The following DSCAM variants were observed in gnomAD, a reference collection of about 807,000 sequenced individuals.
The protein encoded by DSCAM is DS cell adhesion molecule.
In DSCAM, 47 loss-of-function variants were observed where a neutral mutation model predicts 217.7. The ratio of observed to expected loss-of-function variants is 0.22; its 90% CI spans 0.17 to 0.28. DSCAM has a LOEUF of 0.28. DSCAM is among the 10% of genes least tolerant of loss of function. The pLI, the probability that DSCAM is intolerant of heterozygous loss-of-function variation, is 1.00. For synonymous variants in DSCAM, 1,056 were observed against 1,015.3 expected (o/e 1.04, Z -0.76); for missense variants, 2,080 against 2,618.3 (o/e 0.79, Z 4.49).
Position 40,144,372 on chromosome 21 carries a change from C to T in DSCAM, c.3259+119G>A. On this transcript the variant is annotated intron_variant, in intron 17 of 32. Coordinates refer to ENST00000400454, the MANE Select transcript of DSCAM (RefSeq NM_001389.5). The surrounding 1 kb of genome is among the most constrained non-coding windows in gnomAD (Gnocchi z 4.8). ...AGGCTTTTCCACCCGAGACCCCAGG[C>T]CCTGCAGGTCACTGCAAAGTCGTGG... The T allele has an allele frequency of 6.8e-7, 1 of 1,474,396 alleles. No individual in the cohort carries two copies. The highest frequency in any genetic ancestry group is 9.2e-7 in the Non-Finnish European group (1 of 1,090,212). 91.3% of individuals were successfully genotyped at this position (1,474,396 alleles called of 1,614,324 possible).
intron 11 of DSCAM, among the ~76,000 whole-genome samples, chr21:40,203,508 T>A (rs2091092844): frequency 6.6e-6 from 1 of 152,216 alleles, no homozygotes; most frequent in South Asian, 2.1e-4. Flanking sequence ...GTACCCTGCG[T>A]GCATATTGCA....
At chr21:40,350,661 G>A (rs2074619702) in intron 5 of DSCAM, among the ~76,000 whole-genome samples, 1 of 151,930 alleles carries the variant, frequency 6.6e-6, no homozygotes, top group Non-Finnish European at 1.5e-5. Flanking sequence ...GGAAGAGCAG[G>A]AAATCCACAG....
chr21:40,696,242 C>T (rs539317429), intron 2 of DSCAM, among the ~76,000 whole-genome samples: 2 of 152,294 alleles, frequency 1.3e-5, no homozygotes, highest in East Asian at 1.9e-4. Context: ...AACCCCAGCT[C>T]GCTCAGAGAG....
At chr21:40,699,566 C>T (rs1248685396) in intron 2 of DSCAM, among the ~76,000 whole-genome samples, 2 of 152,146 alleles carry the variant, frequency 1.3e-5, no homozygotes, top group South Asian at 2.1e-4. Context: ...GCTACTTCAG[C>T]GAACAAATGA....
At chr21:40,373,246 A>T (rs1331640189) in intron 3 of DSCAM, among the ~76,000 whole-genome samples, 1 of 152,242 alleles carries the variant, frequency 6.6e-6, no homozygotes, top group Non-Finnish European at 1.5e-5. Context: ...GAAAGCAGGC[A>T]TGCATGATCT....
intron 2 of DSCAM, among the ~76,000 whole-genome samples, chr21:40,696,286 T>A (rs2090594281): frequency 6.6e-6 from 1 of 152,058 alleles, no homozygotes; most frequent in South Asian, 2.1e-4. Context: ...ACACTCCCCA[T>A]CCCTTCTCCT....
At chr21:40,393,182 A>G (rs2205084) in intron 3 of DSCAM, among the ~76,000 whole-genome samples, 102,859 of 152,000 alleles carry the variant, frequency 0.68, 35,723 homozygotes, top group African/African-American at 0.83. Context: ...ACTGCCAAAG[A>G]AAGGTAATGA....
rs188457151 is a variant in DSCAM at position 40,173,842 on chromosome 21, C to T, written c.2947+5085G>A. On this transcript the variant is annotated intron_variant, in intron 15 of 32. Coordinates refer to ENST00000400454, the MANE Select transcript of DSCAM (RefSeq NM_001389.5). Reference sequence around the variant, plus strand: ...TGCATCATGACCCTTCCATAATCCACACCTTCTATTCTCTGATGGTCTGTC... The same window carrying T: ...TGCATCATGACCCTTCCATAATCCATACCTTCTATTCTCTGATGGTCTGTC... 1.7e-3 allele frequency among the ~76,000 whole-genome samples: 262 copies of T among 152,300 alleles called. 2 individuals carry two copies. The highest frequency in any genetic ancestry group is 6.1e-3 in the African/African-American group (253 of 41,572).
chr21:40,656,342 G>A (rs1240365763), intron 3 of DSCAM, among the ~76,000 whole-genome samples: 3 of 152,090 alleles, frequency 2.0e-5, no homozygotes, highest in Admixed American at 6.6e-5. Flanking sequence ...AAATCCTAAT[G>A]TGAAAATGTT....
At chr21:40,290,219 A>C (rs1261981834) in intron 10 of DSCAM, among the ~76,000 whole-genome samples, 1 of 152,242 alleles carries the variant, frequency 6.6e-6, no homozygotes, top group African/African-American at 2.4e-5. Context: ...GATACAATTC[A>C]TGGGAAAAAT....
intron 3 of DSCAM, among the ~76,000 whole-genome samples, chr21:40,450,455 GA>G (rs893783198): frequency 6.6e-6 from 1 of 151,778 alleles, no homozygotes; most frequent in African/African-American, 2.4e-5. Context: ...TTTCAGTAAT[GA>G]AAAAAAATGT....
chr21:40,541,144 C>T (rs1406836613), intron 3 of DSCAM, among the ~76,000 whole-genome samples: 1 of 151,932 alleles, frequency 6.6e-6, no homozygotes, highest in Non-Finnish European at 1.5e-5. Context: ...ATTTTACAGG[C>T]CATTGTTATT....
At chr21:40,224,205 T>C (rs1241203339) in intron 11 of DSCAM, among the ~76,000 whole-genome samples, 4 of 152,236 alleles carry the variant, frequency 2.6e-5, no homozygotes, top group Non-Finnish European at 1.5e-5. Context: ...GTATAATCTT[T>C]CATTAACTGG....
chr21:40,050,619 A>ATTTTT, intron 30 of DSCAM, among the ~76,000 whole-genome samples: 1 of 152,052 alleles, frequency 6.6e-6, no homozygotes, highest in African/African-American at 2.4e-5. Flanking sequence ...AGTAGCTGGG[A>ATTTTT]CTACAGGTGC....
chr21:40,522,565 G>A (rs919299288), intron 3 of DSCAM, among the ~76,000 whole-genome samples: 1 of 152,156 alleles, frequency 6.6e-6, no homozygotes. Context: ...TTCAAAAGTG[G>A]AGAGTTCTAC....
chr21:40,266,638 TATATATATATA>T (rs1569031843), intron 11 of DSCAM, among the ~76,000 whole-genome samples: 27 of 106,672 alleles, frequency 2.5e-4, no homozygotes, highest in African/African-American at 1.1e-3. Flanking sequence ...AGATGTTTTA[TATATATATATA>T]TATATATATA....
intron 1 of DSCAM, among the ~76,000 whole-genome samples, chr21:40,756,095 G>C (rs2091273293): frequency 1.3e-5 from 2 of 152,202 alleles, no homozygotes; most frequent in African/African-American, 4.8e-5. Context: ...GGGTCTGGTG[G>C]GAGGTGACTG....
intron 3 of DSCAM, among the ~76,000 whole-genome samples, chr21:40,664,028 A>T (rs2090171856): frequency 6.6e-6 from 1 of 152,224 alleles, no homozygotes; most frequent in South Asian, 2.1e-4. Context: ...TTCAGATATC[A>T]GTCTGCTCAA....
intron 3 of DSCAM, among the ~76,000 whole-genome samples, chr21:40,477,748 C>T (rs1468106424): frequency 6.6e-6 from 1 of 152,010 alleles, no homozygotes; most frequent in African/African-American, 2.4e-5. Flanking sequence ...ATCTAAAATC[C>T]AATCATGCAT....
Sources: allele counts gnomAD v4.1 joint callset (sites outside exome capture counted in the v4.1 genomes callset), GRCh38; gene constraint gnomAD v4.1.1; non-coding constraint Gnocchi (gnomAD v3.1); transcripts MANE v1.5; gene names NCBI Gene and HGNC (gene_info 2026-07-23, HGNC 2026-07-21).